The following MORC2 variants were observed in gnomAD, a reference collection of about 807,000 sequenced individuals.
MORC2 encodes ATPase MORC2.
MORC2 carries 30 observed loss-of-function variants against 136.0 expected under a neutral mutation model. The observed-to-expected ratio is 0.22, with a 90% CI of 0.17 to 0.30. The LOEUF (loss-of-function observed/expected upper bound fraction) is 0.30. MORC2 is among the 10% of genes least tolerant of loss of function. The probability of loss-of-function intolerance (pLI) is 1.00; values close to 1 mark genes in which losing one functional copy is unlikely to be tolerated. For synonymous variants in MORC2, 439 were observed against 487.0 expected, an observed-to-expected ratio of 0.90 and a Z score of 1.30; for missense variants, 922 against 1,333.1, an observed-to-expected ratio of 0.69 and a Z score of 4.80.
At chr22:30,950,337 G>GCGGGCGCCCCC in intron 4 of MORC2, 40 bp downstream of exon 4, 1 of 761,768 alleles carries the variant, frequency 1.3e-6, no homozygotes, top group Non-Finnish European at 2.3e-6. Flanking sequence ...TGGTTACATC[G>GCGGGCGCCCCC]CACCCCCCCA....
In MORC2 at chr22:30,932,127, G is replaced by A; in HGVS notation, c.2841+232C>T. The A allele has an allele frequency of 2.1e-6, 1 of 479,082 alleles. No individual in the cohort carries two copies. Among genetic ancestry groups the A allele is most frequent in the Non-Finnish European group, 3.7e-6 (1 of 266,946 alleles). 29.7% of individuals were successfully genotyped at this position (479,082 alleles called of 1,614,324 possible). On this transcript the variant is annotated intron_variant, in intron 24 of 25. Coordinates refer to ENST00000397641, the MANE Select transcript of MORC2 (RefSeq NM_001303256.3). This position sits in a 1 kb window ranked among gnomAD's most constrained non-coding sequence, Gnocchi z 4.4. ...ACTCAACTCCTAGCACCTGTGGTGGGAAGGGGTTGGCTTTCTGCACACCAG... is the reference window on the plus strand; with the variant it reads ...ACTCAACTCCTAGCACCTGTGGTGGAAAGGGGTTGGCTTTCTGCACACCAG...
At chr22:30,927,946 AG>A (rs2040514334) in intron 25 of MORC2, 72 bp downstream of exon 25, 2 of 1,557,410 alleles carry the variant, frequency 1.3e-6, no homozygotes, top group East Asian at 2.2e-5. Flanking sequence ...TTGTGAGAAC[AG>A]GAACAGGGCC....
At chr22:30,954,031 G>A (rs1297952446) in intron 3 of MORC2, among the ~76,000 whole-genome samples, 2 of 152,164 alleles carry the variant, frequency 1.3e-5, no homozygotes, top group Non-Finnish European at 2.9e-5. Flanking sequence ...CTGGCCAAGC[G>A]CATCGGCTCA....
intron 1 of MORC2, among the ~76,000 whole-genome samples, chr22:30,965,204 G>C (rs2147328814): frequency 6.6e-6 from 1 of 152,274 alleles, no homozygotes; most frequent in East Asian, 1.9e-4. Flanking sequence ...GTAAGCAAAG[G>C]ACCATTTATT....
intron 25 of MORC2, 94 bp downstream of exon 25, chr22:30,927,925 T>G: frequency 6.9e-7 from 1 of 1,449,998 alleles, no homozygotes; most frequent in Non-Finnish European, 9.5e-7. Context: ...TTCCTGTGAG[T>G]GGATAGATTC....
At chr22:30,961,491 A>G (rs2041044814) in intron 1 of MORC2, among the ~76,000 whole-genome samples, 1 of 152,200 alleles carries the variant, frequency 6.6e-6, no homozygotes, top group Non-Finnish European at 1.5e-5. Flanking sequence ...TATACCCTAA[A>G]TATTTTTGAG....
At position 30,925,300 on chromosome 22, in the gene MORC2, A is replaced by G. The variant is rs1017516988; in HGVS notation, c.*1503T>C. 4.6e-5 allele frequency: 13 copies of G among 281,246 alleles called. No homozygotes were observed. Among genetic ancestry groups the G allele is most frequent in the Non-Finnish European group, 7.6e-5 (11 of 144,680 alleles). The allele number at this position is 281,246 out of a possible 1,614,324, so 17.4% of individuals were successfully genotyped here. A position where few individuals can be genotyped will look rare whatever the true frequency, so the allele number is the denominator to read the frequency against. On this transcript the variant is annotated 3_prime_UTR_variant, in exon 26 of 26. Transcript: ENST00000397641. Reference sequence around the variant, plus strand: ...CATGCTGCCTGAGATGAAGAGAGAGAGCAGGATGGCAGAGGAATCACCAGC... The same window carrying G: ...CATGCTGCCTGAGATGAAGAGAGAGGGCAGGATGGCAGAGGAATCACCAGC...
At chr22:30,933,419 C>T in intron 21 of MORC2, 47 bp downstream of exon 21, 1 of 1,603,988 alleles carries the variant, frequency 6.2e-7, no homozygotes, top group Admixed American at 1.7e-5. Flanking sequence ...ACTTCCACTC[C>T]CACTCCCACC....
At chr22:30,938,518 A>G (rs1199371369) in intron 12 of MORC2, among the ~76,000 whole-genome samples, 1 of 152,208 alleles carries the variant, frequency 6.6e-6, no homozygotes, top group Non-Finnish European at 1.5e-5. Flanking sequence ...GTTGGAATAA[A>G]CACCAGGTTA....
At chr22:30,936,397 G>T (rs1032846725) in intron 17 of MORC2, 114 bp downstream of exon 17, 4 of 1,430,974 alleles carry the variant, frequency 2.8e-6, no homozygotes, top group East Asian at 4.6e-5. Context: ...CAAACAACGC[G>T]GGTGAGTGGA....
chr22:30,946,840 G>C (rs191176689), intron 5 of MORC2, among the ~76,000 whole-genome samples: 128 of 152,198 alleles, frequency 8.4e-4, no homozygotes, highest in Non-Finnish European at 1.4e-3. Flanking sequence ...GAGAGGTGCT[G>C]TGCCCTCTGA....
chr22:30,926,550 CAAAAAAAAAAAAA>C lies in MORC2; in HGVS notation c.*240_*252del, dbSNP rs60514280. Reference sequence around the variant, plus strand: ...AAGGTTCTCTGTCCTTTGCAGTCACCAAAAAAAAAAAAAAAAAAAAAAAAAAAAAAAAAAAAGT... The same window carrying C: ...AAGGTTCTCTGTCCTTTGCAGTCACCAAAAAAAAAAAAAAAAAAAAAAAGT... On this transcript the variant is annotated 3_prime_UTR_variant, in exon 26 of 26. Coordinates refer to ENST00000397641, the MANE Select transcript of MORC2 (RefSeq NM_001303256.3). 1,280 of 25,644 alleles carry C rather than the reference CAAAAAAAAAAAAA, an allele frequency of 0.05. 13 individuals carry two copies. Among genetic ancestry groups the C allele is most frequent in the Middle Eastern group, 0.071 (5 of 70 alleles). 1.6% of individuals were successfully genotyped at this position (25,644 alleles called of 1,614,324 possible).
chr22:30,952,210 T>G (rs2040898799), intron 3 of MORC2, among the ~76,000 whole-genome samples: 1 of 152,174 alleles, frequency 6.6e-6, no homozygotes, highest in Non-Finnish European at 1.5e-5. Context: ...AGACTCAAAC[T>G]GGGTCAGGTA....
chr22:30,928,021 C>G lies in MORC2; in HGVS notation c.3028G>C (p.Glu1010Gln), dbSNP rs1202036526. 3 of 1,613,068 alleles carry G rather than the reference C, an allele frequency of 1.9e-6. No individual in the cohort carries two copies. The highest frequency in any genetic ancestry group is 2.5e-6 in the Non-Finnish European group (3 of 1,180,042). ...NIVALLQKVQ[E>Q]DIDINTDDEL... The stretch of plus-strand genomic sequence containing the variant: ...AACAGGAAGGCTGCCGGGCTCACCT[C>G]CTGCACCTTTTGCAGGAGTGCCACG... The change falls in exon 25 of 26, where the codon GAG becomes CAG. Residue 1010 changes from glutamate to glutamine, a missense_variant and splice_region_variant. Physicochemically the swap from Glu to Gln is conservative, Grantham distance 29 (BLOSUM62 2). Around this residue, in one of 9 missense-constraint regions of MORC2, gnomAD observed 263 missense variants for 388.3 expected, o/e 0.68. Coordinates refer to ENST00000397641, the MANE Select transcript of MORC2 (RefSeq NM_001303256.3).
rs192803614 is a variant in MORC2 at position 30,967,951 on chromosome 22, T to C, written c.-62A>G. Reference sequence around the variant, plus strand: ...TGGGAAATATAACCTTATAATGATATCGATTTCCCAGGATTCTGTCCAGTA... The same window carrying C: ...TGGGAAATATAACCTTATAATGATACCGATTTCCCAGGATTCTGTCCAGTA... On this transcript the variant is annotated 5_prime_UTR_variant, in exon 1 of 26. Coordinates refer to ENST00000397641, the MANE Select transcript of MORC2 (RefSeq NM_001303256.3). The C allele has an allele frequency of 2.9e-6, 4 of 1,367,936 alleles. No individual in the cohort carries two copies. Among genetic ancestry groups the C allele is most frequent in the African/African-American group, 2.9e-5 (2 of 69,282 alleles). The allele number at this position is 1,367,936 out of a possible 1,614,324, so 84.7% of individuals were successfully genotyped here.
Position 30,932,720 on chromosome 22 carries a change from C to T in MORC2, c.2572G>A (p.Glu858Lys), listed in dbSNP as rs1198148351. The stretch of plus-strand genomic sequence containing the variant: ...TGTTGTGTATCAAGGCTCTGATGTT[C>T]CGGAGAAGGGGGTTTCATCAGCCGC... Reference protein sequence around the residue: ...DVRLMKPPSPEHQSLDTQQEG... With the variant: ...DVRLMKPPSPKHQSLDTQQEG... The change falls in exon 23 of 26, where the codon GAA becomes AAA. Residue 858 changes from glutamate to lysine, a missense_variant. Glu to Lys is a moderately conservative substitution (Grantham distance 56). Around this residue, in one of 9 missense-constraint regions of MORC2, gnomAD observed 263 missense variants for 388.3 expected, o/e 0.68. Transcript: ENST00000397641. This position sits in a 1 kb window ranked among gnomAD's most constrained non-coding sequence, Gnocchi z 4.4. 6.2e-7 allele frequency: 1 copy of T among 1,614,186 alleles called. No homozygotes were observed. Among genetic ancestry groups the T allele is most frequent in the East Asian group, 2.2e-5 (1 of 44,872 alleles).
At chr22:30,935,400 C>A in intron 17 of MORC2, 78 bp from the exon 18 acceptor site, 2 of 1,401,392 alleles carry the variant, frequency 1.4e-6, no homozygotes, top group Admixed American at 2.0e-5. Flanking sequence ...GTGTCTGGAA[C>A]CAGGGACAAA....
intron 20 of MORC2, 68 bp downstream of exon 20, chr22:30,933,992 G>A (rs2040616157): frequency 1.3e-6 from 2 of 1,524,924 alleles, no homozygotes; most frequent in African/African-American, 1.4e-5. Flanking sequence ...GATGGGGGGT[G>A]CAGACTGCTG....
chr22:30,950,290 A>C, intron 4 of MORC2, 87 bp downstream of exon 4: 1 of 1,423,398 alleles, frequency 7.0e-7, no homozygotes, highest in South Asian at 1.2e-5. Context: ...TGGAGGCAAC[A>C]GAAAAACAAG....
Sources: allele counts gnomAD v4.1 joint callset (sites outside exome capture counted in the v4.1 genomes callset), GRCh38; gene constraint gnomAD v4.1.1; regional missense constraint gnomAD v4.1.1; non-coding constraint Gnocchi (gnomAD v3.1); transcripts MANE v1.5; gene names NCBI Gene and HGNC (gene_info 2026-07-23, HGNC 2026-07-21).